Variants in NID1 observed in about 807,000 individuals in gnomAD.
NID1 encodes nidogen 1.
Under a neutral mutation model 130.6 loss-of-function variants are expected in NID1, and 76 were observed. The ratio of observed to expected loss-of-function variants is 0.58; its 90% CI spans 0.48 to 0.70. The LOEUF (loss-of-function observed/expected upper bound fraction) is 0.70, where lower values mean the gene tolerates loss of function less well. Among genes scored for constraint, NID1 ranks in the 30% least tolerant of loss-of-function variants. The pLI is 0.00. For synonymous variants in NID1, 665 were observed against 675.1 expected, an observed-to-expected ratio of 0.98 and a Z score of 0.23; for missense variants, 1,517 against 1,664.8, an observed-to-expected ratio of 0.91 and a Z score of 1.54.
chr1:236,063,496 A>AAAT (rs1340819021), intron 1 of NID1, among the ~76,000 whole-genome samples: 1 of 150,106 alleles, frequency 6.7e-6, no homozygotes, highest in Non-Finnish European at 1.5e-5. Flanking sequence ...ATAAATAAAT[A>AAAT]AATAAATAAA....
In NID1 at chr1:236,042,156, C is replaced by T; in HGVS notation, c.889G>A (p.Asp297Asn). Residue 297 changes from aspartate to asparagine, a missense_variant, in exon 4 of 20, where the codon GAC becomes AAC. Asp to Asn is a conservative substitution (Grantham distance 23, BLOSUM62 1). Coordinates refer to ENST00000264187, the MANE Select transcript of NID1 (RefSeq NM_002508.3). ...AGGCCCAGACGAGTGGTCGCCAGGT[C>T]ATAATCTTCATCCTCATCATCATAC... ...AEYDDEDEDY[D>N]LATTRLGLED... 1 of 1,614,080 alleles carries T rather than the reference C, an allele frequency of 6.2e-7. No individual in the cohort carries two copies. The highest frequency in any genetic ancestry group is 1.7e-5 in the Admixed American group (1 of 59,998).
At chr1:235,990,822 C>T in intron 14 of NID1, 64 bp downstream of exon 14, 1 of 1,583,850 alleles carries the variant, frequency 6.3e-7, no homozygotes, top group Non-Finnish European at 8.7e-7. Context: ...CTGATATCGT[C>T]CTGCTTGTTT....
At chr1:235,997,412 A>G (rs1213723583) in intron 12 of NID1, among the ~76,000 whole-genome samples, 1 of 152,182 alleles carries the variant, frequency 6.6e-6, no homozygotes, top group Non-Finnish European at 1.5e-5. Context: ...CCCCTGCTCT[A>G]GGCATTACCA....
chr1:236,061,956 A>T (rs1009585360), intron 1 of NID1, among the ~76,000 whole-genome samples: 1 of 152,164 alleles, frequency 6.6e-6, no homozygotes, highest in Admixed American at 6.6e-5. Context: ...AGAAATCGGA[A>T]CCCTCATATA....
At chr1:236,053,640 T>G (rs1659823063) in intron 1 of NID1, among the ~76,000 whole-genome samples, 1 of 152,192 alleles carries the variant, frequency 6.6e-6, no homozygotes, top group South Asian at 2.1e-4. Context: ...ATTTGTAGGT[T>G]CTGGCTTCTC....
chr1:235,979,923 C>A lies in NID1; in HGVS notation c.3408G>T (p.Leu1136=). ...VDAGTNRAEC[L]NPSQPSRRKA... is the part of the protein sequence containing the mutation. Reference sequence around the variant, plus strand: ...TGCGTCTGCTGGGCTGACTGGGGTTCAGGCATTCCGCCCGATTGGTGCCTG... The same window carrying A: ...TGCGTCTGCTGGGCTGACTGGGGTTAAGGCATTCCGCCCGATTGGTGCCTG... Residue 1136 remains leucine, a synonymous_variant, in exon 18 of 20, where the codon CTG becomes CTT. Coordinates refer to ENST00000264187, the MANE Select transcript of NID1 (RefSeq NM_002508.3). The surrounding 1 kb of genome is among the most constrained non-coding windows in gnomAD (Gnocchi z 4.6). 1 of 1,614,076 alleles carries A rather than the reference C, an allele frequency of 6.2e-7. No homozygotes were observed. The highest frequency in any genetic ancestry group is 1.1e-5 in the South Asian group (1 of 91,076).
chr1:235,984,466 G>A (rs1023537730), intron 15 of NID1, among the ~76,000 whole-genome samples: 1 of 152,176 alleles, frequency 6.6e-6, no homozygotes, highest in Non-Finnish European at 1.5e-5. Flanking sequence ...AATATCAATT[G>A]TGAGGGAAAC....
chr1:235,986,466 A>G (rs1387183036), intron 14 of NID1, among the ~76,000 whole-genome samples: 1 of 152,062 alleles, frequency 6.6e-6, no homozygotes, highest in African/African-American at 2.4e-5. Context: ...ATAAGGATAA[A>G]CATTTTTAAA....
chr1:235,979,963 A>C lies in NID1; in HGVS notation c.3386-18T>G, dbSNP rs1657386749. 6.2e-7 allele frequency: 1 copy of C among 1,613,218 alleles called. No individual in the cohort carries two copies. Among genetic ancestry groups the C allele is most frequent in the Non-Finnish European group, 8.5e-7 (1 of 1,179,498 alleles). On this transcript the variant is annotated intron_variant, in intron 17 of 19. Coordinates refer to ENST00000264187, the MANE Select transcript of NID1 (RefSeq NM_002508.3). This position sits in a 1 kb window ranked among gnomAD's most constrained non-coding sequence, Gnocchi z 4.6. ...ATTGGTGCCTGTGTGGAGTGGAAAC[A>C]ATTCATTCATTGTTCACACAAGAAA...
rs551127579 is a variant in NID1, at chr1:236,010,300, C to CTT, written c.2527+1619_2527+1620dup. On this transcript the variant is annotated intron_variant, in intron 12 of 19. Coordinates refer to ENST00000264187, the MANE Select transcript of NID1 (RefSeq NM_002508.3). ...GAGCCCACATAGTAGGCTATTTATACTTTTTTTTTTTTTTTTTTTTTTGAG... is the reference window on the plus strand; with the variant it reads ...GAGCCCACATAGTAGGCTATTTATACTTTTTTTTTTTTTTTTTTTTTTTTGAG... 6.6e-3 allele frequency among the ~76,000 whole-genome samples: 708 copies of CTT among 107,124 alleles called. 12 individuals carry two copies. The highest frequency in any genetic ancestry group is 9.0e-3 in the East Asian group (31 of 3,456). The allele number at this position is 107,124 out of a possible 152,430, so 70.3% of individuals were successfully genotyped here.
Position 236,013,428 on chromosome 1 carries a change from T to A in NID1, c.2387A>T (p.Asp796Val), listed in dbSNP as rs1413862967. Residue 796 changes from aspartate (D) to valine (V), a missense_variant, in exon 11 of 20, where the codon GAT becomes GTT. By Grantham distance (152) the Asp-to-Val change is radical. Around this residue, in one of 3 missense-constraint regions of NID1, gnomAD observed 1,329 missense variants for 1,429.2 expected, o/e 0.93. Coordinates refer to ENST00000264187, the MANE Select transcript of NID1 (RefSeq NM_002508.3). ...TCSCLPGFSG[D>V]GQACQDVDEC... ...CCACACACCTTGGCAGGCTTGGCCA[T>A]CCCCAGAAAAGCCTGGCAAGCAGGA... 6.2e-7 allele frequency: 1 copy of A among 1,613,758 alleles called. No homozygotes were observed. The highest frequency in any genetic ancestry group is 2.2e-5 in the East Asian group (1 of 44,896).
Position 236,032,499 on chromosome 1 carries a change from A to G in NID1, c.1439T>C (p.Val480Ala), listed in dbSNP as rs771659008. 21 of 1,614,190 alleles carry G rather than the reference A, an allele frequency of 1.3e-5. No individual in the cohort carries two copies. Among genetic ancestry groups the G allele is most frequent in the Non-Finnish European group, 1.6e-5 (19 of 1,180,040 alleles). Residue 480 changes from valine (V) to alanine (A), a missense_variant, in exon 6 of 20, where the codon GTT becomes GCT. By Grantham distance (64) the Val-to-Ala change is moderately conservative. Around this residue, in one of 3 missense-constraint regions of NID1, gnomAD observed 1,329 missense variants for 1,429.2 expected, o/e 0.93. Transcript: ENST00000264187. Reference sequence around the variant, plus strand: ...GGCCAGTGGAAGCAGAGAATATCCAACGGTCTCGGGAATGGTGCTGATGGC... The same window carrying G: ...GGCCAGTGGAAGCAGAGAATATCCAGCGGTCTCGGGAATGGTGCTGATGGC... ...YTAISTIPET[V>A]GYSLLPLAPV...
Position 236,057,008 on chromosome 1 carries a change from C to T in NID1, c.225+7847G>A, listed in dbSNP as rs1438056011. On this transcript the variant is annotated intron_variant, in intron 1 of 19. Transcript: ENST00000264187. ...ACACGATGGCTCATGCCTATAATCCCAGCACTTTGGGAGGCCAAGGCAGGT... is the reference window on the plus strand; with the variant it reads ...ACACGATGGCTCATGCCTATAATCCTAGCACTTTGGGAGGCCAAGGCAGGT... Among the ~76,000 whole-genome samples the T allele has an allele frequency of 2.0e-5, 3 of 152,326 alleles. No individual in the cohort carries two copies. The East Asian group carries it at 5.8e-4, about 29-fold the overall frequency.
intron 15 of NID1, among the ~76,000 whole-genome samples, chr1:235,982,663 A>G (rs1657471826): frequency 6.6e-6 from 1 of 152,152 alleles, no homozygotes; most frequent in African/African-American, 2.4e-5. Context: ...CTTTACTGGA[A>G]GCTGAAGATT....
chr1:236,024,248 T>C, intron 8 of NID1, 35 bp from the exon 9 acceptor site: 1 of 1,609,818 alleles, frequency 6.2e-7, no homozygotes, highest in Non-Finnish European at 8.5e-7. Context: ...CAAGTGAGTC[T>C]TCAGGAGCTC....
intron 6 of NID1, among the ~76,000 whole-genome samples, chr1:236,031,816 C>T (rs529597749): frequency 4.6e-5 from 7 of 152,314 alleles, no homozygotes; most frequent in South Asian, 2.1e-4. Context: ...CATCTGCCCA[C>T]GCGTCCAGTA....
chr1:236,028,824 A>G lies in NID1; in HGVS notation c.1738+726T>C, dbSNP rs1659015785. Among the ~76,000 whole-genome samples the G allele has an allele frequency of 2.6e-5, 4 of 152,094 alleles. No homozygotes were observed. The South Asian group carries it at 8.3e-4, about 32-fold the overall frequency. ...TTTGGGCTTTGTTCAGTTTTCACGTAAGTTTGATATTATTTAAAACCAGGC... is the reference window on the plus strand; with the variant it reads ...TTTGGGCTTTGTTCAGTTTTCACGTGAGTTTGATATTATTTAAAACCAGGC... On this transcript the variant is annotated intron_variant, in intron 7 of 19. Coordinates refer to ENST00000264187, the MANE Select transcript of NID1 (RefSeq NM_002508.3).
At chr1:236,001,326 C>T (rs903277070) in intron 12 of NID1, among the ~76,000 whole-genome samples, 1 of 152,012 alleles carries the variant, frequency 6.6e-6, no homozygotes, top group Non-Finnish European at 1.5e-5. Flanking sequence ...AGGCTGGTCT[C>T]GAACTCCTGA....
chr1:236,048,618 C>A, intron 2 of NID1, 72 bp downstream of exon 2: 2 of 1,506,008 alleles, frequency 1.3e-6, no homozygotes, highest in Non-Finnish European at 1.8e-6. Flanking sequence ...CAAAGCAGCA[C>A]AAGGCGTGAG....
Sources: gnomAD v4.1 joint callset for allele counts (sites outside exome capture counted in the v4.1 genomes callset) on GRCh38, gnomAD v4.1.1 for gene constraint, gnomAD v4.1.1 regional missense constraint, Gnocchi (gnomAD v3.1) non-coding constraint, MANE v1.5 for transcripts, NCBI Gene and HGNC (gene_info 2026-07-23, HGNC 2026-07-21) for gene names.